PCDH7: variants seen among roughly 807,000 people sequenced by gnomAD.
PCDH7 encodes protocadherin-7.
Under a neutral mutation model 58.9 loss-of-function variants are expected in PCDH7, and 17 were observed. The observed-to-expected ratio is 0.29, with a 90% CI of 0.20 to 0.43. PCDH7 has a LOEUF of 0.43. Among genes scored for constraint, PCDH7 ranks in the 20% least tolerant of loss-of-function variants. The pLI, the probability that PCDH7 is intolerant of heterozygous loss-of-function variation, is 1.00. For missense variants in PCDH7, 1,274 were observed against 1,441.0 expected (o/e 0.88, Z 1.88); for synonymous variants, 664 against 616.4 (o/e 1.08, Z -1.14).
At chr4:30,753,070 GA>G (rs1227205266) in intron 1 of PCDH7, among the ~76,000 whole-genome samples, 1 of 152,104 alleles carries the variant, frequency 6.6e-6, no homozygotes, top group Non-Finnish European at 1.5e-5. Context: ...ATATATTAAT[GA>G]AAGTGAAAGA....
chr4:30,775,115 C>A (rs1297011228), intron 1 of PCDH7, among the ~76,000 whole-genome samples: 4 of 152,024 alleles, frequency 2.6e-5, no homozygotes, highest in Non-Finnish European at 4.4e-5. Context: ...CCATGACATT[C>A]CAGGGTATTG....
chr4:30,974,058 AAC>A (rs1303031624), intron 3 of PCDH7, among the ~76,000 whole-genome samples: 1 of 151,994 alleles, frequency 6.6e-6, no homozygotes, highest in African/African-American at 2.4e-5. Flanking sequence ...AGGAAAAAAA[AAC>A]ACACACTCCT....
Position 30,942,771 on chromosome 4 carries a change from A to G in PCDH7, c.288-7349A>G, listed in dbSNP as rs370913510. On this transcript the variant is annotated intron_variant, in intron 2 of 3. Transcript: ENST00000509759. ...GAAGTATGTATTTATTTACATATTC[A>G]TTCATTAATTTACTTATTACTAAAA... Among the ~76,000 whole-genome samples, 5 of 152,100 alleles carry G rather than the reference A, an allele frequency of 3.3e-5. No individual in the cohort carries two copies. The East Asian group carries it at 7.7e-4, about 23-fold the overall frequency.
At chr4:30,950,636 CA>C in intron 3 of PCDH7, among the ~76,000 whole-genome samples, 1 of 152,092 alleles carries the variant, frequency 6.6e-6, no homozygotes, top group East Asian at 1.9e-4. Flanking sequence ...AAAAGCATTG[CA>C]CAAAATTTTA....
intron 1 of PCDH7, among the ~76,000 whole-genome samples, chr4:30,801,182 G>A (rs1725483688): frequency 2.0e-5 from 3 of 152,172 alleles, no homozygotes; most frequent in African/African-American, 7.2e-5. Context: ...GGGGAAAAGA[G>A]AAAATAGTAA....
At chr4:30,969,387 A>G (rs190109685) in intron 3 of PCDH7, among the ~76,000 whole-genome samples, 6 of 152,158 alleles carry the variant, frequency 3.9e-5, no homozygotes, top group Admixed American at 3.9e-4. Context: ...TTCCAGGGGA[A>G]TGTCAGTTCC....
At chr4:30,863,858 T>G (rs1280557229) in intron 1 of PCDH7, among the ~76,000 whole-genome samples, 1 of 152,136 alleles carries the variant, frequency 6.6e-6, no homozygotes, top group Non-Finnish European at 1.5e-5. Context: ...TGCAGAAATA[T>G]CAACATAAAT....
At chr4:30,884,167 A>G (rs181432802) in intron 1 of PCDH7, among the ~76,000 whole-genome samples, 99 of 152,314 alleles carry the variant, frequency 6.5e-4, no homozygotes, top group Admixed American at 2.7e-3. Context: ...GAAATTTTTG[A>G]GCACCTTATT....
At chr4:30,866,201 T>C (rs1307466928) in intron 1 of PCDH7, among the ~76,000 whole-genome samples, 1 of 152,084 alleles carries the variant, frequency 6.6e-6, no homozygotes, top group African/African-American at 2.4e-5. Context: ...TGGTTCTATA[T>C]CAAGAAGCTT....
intron 1 of PCDH7, among the ~76,000 whole-genome samples, chr4:30,727,516 C>A (rs1395054155): frequency 1.3e-5 from 2 of 151,800 alleles, no homozygotes; most frequent in Non-Finnish European, 2.9e-5. Flanking sequence ...ATGATGTAGC[C>A]CAAATTTTCA....
chr4:30,724,221 G>A (rs1714263646), exon 1 of PCDH7: 1 of 1,613,664 alleles, frequency 6.2e-7, no homozygotes, highest in Non-Finnish European at 8.5e-7. Flanking sequence ...AATCTAAAAA[G>A]CCTAAAAAGG....
chr4:30,989,184 A>G (rs192676261), intron 3 of PCDH7, among the ~76,000 whole-genome samples: 15 of 152,138 alleles, frequency 9.9e-5, no homozygotes, highest in Non-Finnish European at 2.2e-4. Flanking sequence ...AGATTATTTG[A>G]TTTATTTGAT....
downstream of PCDH7, chr4:31,146,424 A>C (rs1186768236): frequency 1.3e-5 from 2 of 152,052 alleles, no homozygotes; most frequent in African/African-American, 2.4e-5. Flanking sequence ...AAATCTTGTG[A>C]GTTGTGACCT....
At chr4:30,785,633 A>AT (rs1279577013) in intron 1 of PCDH7, among the ~76,000 whole-genome samples, 1 of 152,006 alleles carries the variant, frequency 6.6e-6, no homozygotes, top group African/African-American at 2.4e-5. Flanking sequence ...TAAACGATTA[A>AT]TTTTAAAGTT....
chr4:30,756,894 A>C (rs1010257852), intron 1 of PCDH7, among the ~76,000 whole-genome samples: 2 of 151,858 alleles, frequency 1.3e-5, no homozygotes, highest in Admixed American at 1.3e-4. Flanking sequence ...TCCTTTTCCA[A>C]CTGTTTTTTG....
chr4:30,723,481 A>G lies in PCDH7; in HGVS notation c.2059A>G (p.Ile687Val). The change falls in exon 1 of 2, where the codon ATT becomes GTT. Residue 687 changes from isoleucine (I) to valine (V), a missense_variant. By Grantham distance (29) the Ile-to-Val change is conservative. Around this residue, in one of 3 missense-constraint regions of PCDH7, gnomAD observed 731 missense variants for 881.9 expected, o/e 0.83. Transcript: ENST00000361762. This position sits in a 1 kb window ranked among gnomAD's most constrained non-coding sequence, Gnocchi z 4.6. ...AGAGGAGAACAATAACATTTTTTCT[A>G]TTGAAAATGACACGGGGACCATTTA... 1 of 1,614,130 alleles carries G rather than the reference A, an allele frequency of 6.2e-7. No homozygotes were observed. The highest frequency in any genetic ancestry group is 1.6e-4 in the Middle Eastern group (1 of 6,062).
At chr4:30,968,408 A>T (rs1749242872) in intron 3 of PCDH7, among the ~76,000 whole-genome samples, 2 of 41,334 alleles carry the variant, frequency 4.8e-5, no homozygotes, top group Non-Finnish European at 8.9e-5. Flanking sequence ...ATATATATAT[A>T]TATATATGGG....
chr4:31,120,388 AT>A (rs137987021), intron 3 of PCDH7, among the ~76,000 whole-genome samples: 6,303 of 75,676 alleles, frequency 0.083, 423 homozygotes, highest in African/African-American at 0.23. Context: ...AGCTTCCTCC[AT>A]TTTTTTTTTC....
intron 3 of PCDH7, among the ~76,000 whole-genome samples, chr4:31,127,535 A>G (rs1484366348): frequency 6.6e-6 from 1 of 152,156 alleles, no homozygotes; most frequent in East Asian, 1.9e-4. Context: ...GAAATAAATG[A>G]AAGTCTACCA....
Sources: gnomAD v4.1 joint callset for allele counts (sites outside exome capture counted in the v4.1 genomes callset) on GRCh38, gnomAD v4.1.1 for gene constraint, gnomAD v4.1.1 regional missense constraint, Gnocchi (gnomAD v3.1) non-coding constraint, MANE v1.5 for transcripts, NCBI Gene and HGNC (gene_info 2026-07-23, HGNC 2026-07-21) for gene names.